Variants in AFF4 observed in about 807,000 individuals in gnomAD.
AFF4 encodes ALF transcription elongation factor 4.
Under a neutral mutation model 124.8 loss-of-function variants are expected in AFF4, and 13 were observed. That is an observed-to-expected ratio of 0.10 (90% CI 0.07 to 0.17). AFF4 has a LOEUF of 0.17. Ranked by LOEUF, AFF4 falls within the 10% of genes least tolerant of loss-of-function variation. The pLI, the probability that AFF4 is intolerant of heterozygous loss-of-function variation, is 1.00. For missense variants in AFF4, 1,092 were observed against 1,403.8 expected (o/e 0.78, Z 3.55); for synonymous variants, 477 against 496.1 (o/e 0.96, Z 0.51).
chr5:132,948,690 C>A, intron 1 of AFF4: 1 of 199,666 alleles, frequency 5.0e-6, no homozygotes, highest in Non-Finnish European at 1.1e-5. Context: ...GATGAAACCA[C>A]CTGGTATCTG....
intron 2 of AFF4, among the ~76,000 whole-genome samples, chr5:132,936,003 C>G (rs987063559): frequency 6.6e-6 from 1 of 151,666 alleles, no homozygotes; most frequent in South Asian, 2.1e-4. Flanking sequence ...CACAGTGGCT[C>G]AGGCCTGTAA....
At chr5:132,888,028 T>C (rs1760159628) in intron 15 of AFF4, 46 bp from the exon 16 acceptor site, 1 of 1,609,326 alleles carries the variant, frequency 6.2e-7, no homozygotes, top group Non-Finnish European at 8.5e-7. Context: ...CTACTATGGC[T>C]ACAAACATCA....
intron 1 of AFF4, among the ~76,000 whole-genome samples, chr5:132,958,358 C>T (rs1357406914): frequency 1.3e-5 from 2 of 148,684 alleles, no homozygotes; most frequent in South Asian, 2.1e-4. Flanking sequence ...CCCAGCTACT[C>T]GGGAGGCTGA....
At chr5:132,957,992 T>C (rs574571859) in intron 1 of AFF4, among the ~76,000 whole-genome samples, 2 of 152,124 alleles carry the variant, frequency 1.3e-5, no homozygotes, top group Non-Finnish European at 2.9e-5. Context: ...CTTATTTGGA[T>C]CCTAATTCAC....
Position 132,898,308 on chromosome 5 carries a change from G to A in AFF4, c.1311C>T (p.Ser437=). 3 of 1,614,218 alleles carry A rather than the reference G, an allele frequency of 1.9e-6. No individual in the cohort carries two copies. The highest frequency in any genetic ancestry group is 2.5e-6 in the Non-Finnish European group (3 of 1,180,038). Residue 437 remains serine, a synonymous_variant, in exon 10 of 21, where the codon AGC becomes AGT. Transcript: ENST00000265343. ...DSSSHSGSES[S]SGSDSESESS... ...TTTCACTCTCTGAGTCAGATCCAGA[G>A]CTGCTTTCAGATCCACTGTGGCTAC...
chr5:132,884,507 TG>T (rs1199309137), intron 19 of AFF4, among the ~76,000 whole-genome samples: 3 of 152,246 alleles, frequency 2.0e-5, no homozygotes, highest in African/African-American at 7.2e-5. Context: ...CTCAAAGTGC[TG>T]GGATTACAGG....
At chr5:132,924,413 A>T (rs1227827830) in intron 5 of AFF4, among the ~76,000 whole-genome samples, 1 of 152,240 alleles carries the variant, frequency 6.6e-6, no homozygotes, top group Non-Finnish European at 1.5e-5. Context: ...ACTTATCTAG[A>T]GTGACATAAA....
At chr5:132,935,960 A>T (rs1761418844) in intron 2 of AFF4, among the ~76,000 whole-genome samples, 1 of 151,900 alleles carries the variant, frequency 6.6e-6, no homozygotes. Context: ...ACAGAAAAGT[A>T]ATCTGCCTTT....
intron 9 of AFF4, 138 bp from the exon 10 acceptor site, chr5:132,898,530 C>A: frequency 3.3e-6 from 3 of 911,118 alleles, no homozygotes; most frequent in Non-Finnish European, 4.8e-6. Flanking sequence ...GTGGCCCAGG[C>A]TGGAATGCAG....
intron 1 of AFF4, among the ~76,000 whole-genome samples, chr5:132,938,310 G>T (rs999096990): frequency 1.3e-5 from 2 of 150,432 alleles, no homozygotes; most frequent in Non-Finnish European, 2.9e-5. Flanking sequence ...CTATCATCCA[G>T]GCTGGAGTGC....
intron 1 of AFF4, among the ~76,000 whole-genome samples, chr5:132,956,633 G>GAAA (rs745801334): frequency 5.3e-5 from 5 of 94,560 alleles, no homozygotes; most frequent in Non-Finnish European, 9.5e-5. Flanking sequence ...CTCCATCTCA[G>GAAA]AAAAAAAAAA....
intron 5 of AFF4, among the ~76,000 whole-genome samples, chr5:132,909,777 A>T (rs1193881626): frequency 6.6e-6 from 1 of 152,230 alleles, no homozygotes; most frequent in Non-Finnish European, 1.5e-5. Context: ...CAACACTGCA[A>T]CTGTGCATAA....
intron 4 of AFF4, among the ~76,000 whole-genome samples, chr5:132,931,628 G>A (rs1443811071): frequency 6.6e-6 from 1 of 152,220 alleles, no homozygotes; most frequent in Non-Finnish European, 1.5e-5. Flanking sequence ...TCCAGGCAAA[G>A]TAAGTGTTAA....
intron 1 of AFF4, chr5:132,945,492 C>T (rs1761676375): frequency 6.6e-6 from 1 of 152,324 alleles, no homozygotes; most frequent in African/African-American, 2.4e-5. Flanking sequence ...TGGGTCACGC[C>T]TGTAAACCCA....
intron 1 of AFF4, among the ~76,000 whole-genome samples, chr5:132,940,270 C>T (rs969040445): frequency 6.6e-6 from 1 of 151,516 alleles, no homozygotes; most frequent in East Asian, 2.0e-4. Context: ...GTGGCGGAGG[C>T]GGGCAGATCA....
At chr5:132,898,187 CCT>C (rs1230801441) in intron 10 of AFF4, 41 bp downstream of exon 10, 4 of 1,608,660 alleles carry the variant, frequency 2.5e-6, no homozygotes, top group Non-Finnish European at 3.4e-6. Flanking sequence ...CACCAAGGAC[CCT>C]GAGAGGGCCT....
chr5:132,962,185 C>T (rs1581346237), intron 1 of AFF4, among the ~76,000 whole-genome samples: 2 of 152,304 alleles, frequency 1.3e-5, no homozygotes, highest in South Asian at 4.1e-4. Flanking sequence ...TTTTAAAAAG[C>T]ACTTTATGAA....
Position 132,892,302 on chromosome 5 carries a change from C to A in AFF4, c.2499G>T (p.Arg833Ser). ...DPKTEHGSRK[R>S]TISQSSSLKS... is the part of the protein sequence containing the mutation. Reference sequence around the variant, plus strand: ...TTAAGGAAGAAGACTGACTAATAGTCCTCTTCCGAGAGCCATGCTCTGTTT... The same window carrying A: ...TTAAGGAAGAAGACTGACTAATAGTACTCTTCCGAGAGCCATGCTCTGTTT... The change falls in exon 13 of 21, where the codon AGG (arginine) becomes AGT (serine). Residue 833 changes from arginine (R) to serine (S), a missense_variant. Transcript: ENST00000265343. The A allele has an allele frequency of 6.2e-7, 1 of 1,614,098 alleles. No homozygotes were observed. The highest frequency in any genetic ancestry group is 1.3e-5 in the African/African-American group (1 of 75,006).
intron 9 of AFF4, 44 bp from the exon 10 acceptor site, chr5:132,898,436 T>A (rs774677704): frequency 1.9e-6 from 3 of 1,573,250 alleles, no homozygotes; most frequent in African/African-American, 2.8e-5. Context: ...TTATTTTACA[T>A]TGACAACAGG....
Sources: gnomAD v4.1 joint callset for allele counts (sites outside exome capture counted in the v4.1 genomes callset) on GRCh38, gnomAD v4.1.1 for gene constraint, MANE v1.5 for transcripts, NCBI Gene and HGNC (gene_info 2026-07-23, HGNC 2026-07-21) for gene names.